Variants in ME3 observed in about 807,000 individuals in gnomAD.
ME3 encodes the protein malic enzyme 3, also known as NADP-dependent malic enzyme, mitochondrial.
ME3 carries 48 observed loss-of-function variants against 68.9 expected under a neutral mutation model. The observed-to-expected ratio is 0.70, with a 90% CI of 0.55 to 0.89. The LOEUF is 0.89. ME3 is among the 40% of genes least tolerant of loss of function. The pLI is 0.00. For synonymous variants in ME3, 320 were observed against 318.8 expected (o/e 1.00, Z -0.04); for missense variants, 675 against 797.4 (o/e 0.85, Z 1.85).
chr11:86,467,597 G>A (rs1950545768), intron 7 of ME3, among the ~76,000 whole-genome samples: 1 of 151,396 alleles, frequency 6.6e-6, no homozygotes, highest in Admixed American at 6.6e-5. Context: ...ATGCTGAAAA[G>A]GTCAGACAAC....
intron 7 of ME3, among the ~76,000 whole-genome samples, chr11:86,486,607 A>T (rs1312125951): frequency 6.6e-6 from 1 of 152,222 alleles, no homozygotes; most frequent in Non-Finnish European, 1.5e-5. Flanking sequence ...AAGGCTGGAG[A>T]TTTGCAAGTG....
At chr11:86,510,101 T>C (rs898046946) in intron 4 of ME3, among the ~76,000 whole-genome samples, 4 of 152,252 alleles carry the variant, frequency 2.6e-5, no homozygotes, top group Non-Finnish European at 5.9e-5. Flanking sequence ...CTCCCTTCCA[T>C]TGCCAAACTT....
At chr11:86,583,211 GATA>G (rs1958539631) in intron 2 of ME3, among the ~76,000 whole-genome samples, 1 of 152,134 alleles carries the variant, frequency 6.6e-6, no homozygotes, top group Non-Finnish European at 1.5e-5. Context: ...CAGACTGTGT[GATA>G]TACATAGTGC....
chr11:86,615,805 G>A (rs186620636), intron 2 of ME3, among the ~76,000 whole-genome samples: 1 of 152,236 alleles, frequency 6.6e-6, no homozygotes, highest in East Asian at 1.9e-4. Flanking sequence ...CTAAGTCATG[G>A]CTCTTGCTCT....
chr11:86,489,932 CAG>C (rs1455909468), intron 6 of ME3, among the ~76,000 whole-genome samples: 3 of 152,120 alleles, frequency 2.0e-5, no homozygotes, highest in Non-Finnish European at 1.5e-5. Flanking sequence ...CAACAAGACA[CAG>C]AGAGGTGAAG....
rs762766397 is a variant in ME3, at chr11:86,441,454, T to C, written c.1654-14A>G. 1.9e-6 allele frequency: 3 copies of C among 1,571,480 alleles called. No individual in the cohort carries two copies. The highest frequency in any genetic ancestry group is 1.7e-4 in the Middle Eastern group (1 of 5,838). Reference sequence around the variant, plus strand: ...GTAGTCGAGAACCTAGAGAAAAACATGTTTGGCTAAGGAACCGGATCTAAG... The same window carrying C: ...GTAGTCGAGAACCTAGAGAAAAACACGTTTGGCTAAGGAACCGGATCTAAG... On this transcript the variant is annotated splice_polypyrimidine_tract_variant and intron_variant, in intron 14 of 14. Transcript: ENST00000543262.
chr11:86,637,349 C>CAAAA (rs11402713), intron 2 of ME3, among the ~76,000 whole-genome samples: 5 of 122,024 alleles, frequency 4.1e-5, no homozygotes, highest in African/African-American at 1.2e-4. Context: ...ACAAGAAGCA[C>CAAAA]AAAAAAAAAA....
chr11:86,462,431 G>C (rs1011284281), intron 8 of ME3: 2 of 413,684 alleles, frequency 4.8e-6, no homozygotes, highest in African/African-American at 2.2e-5. Context: ...AGAGGCAAAA[G>C]TTATGCAGAT....
At chr11:86,462,699 G>A in intron 8 of ME3, 1 of 792,218 alleles carries the variant, frequency 1.3e-6, no homozygotes, top group Non-Finnish European at 1.9e-6. Context: ...GAATGGATAA[G>A]GCATGGTTCT....
chr11:86,609,209 G>A (rs758705087), intron 2 of ME3, among the ~76,000 whole-genome samples: 13 of 152,142 alleles, frequency 8.5e-5, no homozygotes, highest in Non-Finnish European at 1.6e-4. Flanking sequence ...AGAGGTGCAG[G>A]ACTCAGCAAG....
intron 1 of ME3, 48 bp downstream of exon 1, chr11:86,672,276 C>A: frequency 3.7e-6 from 1 of 272,552 alleles, no homozygotes; most frequent in Non-Finnish European, 6.8e-6. Context: ...CCCCGTACCC[C>A]TAATCCCGCG....
At chr11:86,650,006 C>A (rs1565270932) in intron 2 of ME3, among the ~76,000 whole-genome samples, 5 of 152,270 alleles carry the variant, frequency 3.3e-5, no homozygotes, top group South Asian at 4.2e-4. Context: ...CCAAGACAAT[C>A]CTAAGCAAAA....
intron 6 of ME3, among the ~76,000 whole-genome samples, chr11:86,488,397 C>T (rs1018126207): frequency 2.0e-5 from 3 of 151,968 alleles, no homozygotes; most frequent in African/African-American, 4.8e-5. Flanking sequence ...TCCTCTCTTA[C>T]TTCTCTCCCT....
At chr11:86,591,103 C>G (rs1453417488) in intron 2 of ME3, among the ~76,000 whole-genome samples, 1 of 152,196 alleles carries the variant, frequency 6.6e-6, no homozygotes, top group Non-Finnish European at 1.5e-5. Flanking sequence ...TTCCTAAGCA[C>G]TGCTTTGGCA....
At chr11:86,588,796 G>T (rs1016200964) in intron 2 of ME3, among the ~76,000 whole-genome samples, 1 of 152,120 alleles carries the variant, frequency 6.6e-6, no homozygotes, top group African/African-American at 2.4e-5. Context: ...TTTCCCTAAG[G>T]TTTACTCATG....
intron 6 of ME3, among the ~76,000 whole-genome samples, chr11:86,491,980 A>C (rs577567741): frequency 6.6e-6 from 1 of 152,182 alleles, no homozygotes; most frequent in Non-Finnish European, 1.5e-5. Context: ...TTTGGAGGCA[A>C]CGTGCCGCAG....
intron 2 of ME3, among the ~76,000 whole-genome samples, chr11:86,571,949 G>A (rs1046064368): frequency 6.6e-6 from 1 of 152,254 alleles, no homozygotes; most frequent in Non-Finnish European, 1.5e-5. Context: ...GTTTAACGAT[G>A]TGAGGCTAAG....
intron 4 of ME3, among the ~76,000 whole-genome samples, chr11:86,529,343 T>G (rs1408609460): frequency 1.3e-5 from 2 of 152,008 alleles, no homozygotes; most frequent in Non-Finnish European, 2.9e-5. Flanking sequence ...AATAACAGGC[T>G]CTGAAATTGA....
At chr11:86,596,886 A>G (rs1183979430) in intron 2 of ME3, among the ~76,000 whole-genome samples, 1 of 152,106 alleles carries the variant, frequency 6.6e-6, no homozygotes, top group African/African-American at 2.4e-5. Context: ...ACCAGGTCAT[A>G]GATGATGATG....
Sources: gnomAD v4.1 joint callset for allele counts (sites outside exome capture counted in the v4.1 genomes callset) on GRCh38, gnomAD v4.1.1 for gene constraint, MANE v1.5 for transcripts, NCBI Gene and HGNC (gene_info 2026-07-23, HGNC 2026-07-21) for gene names.